The following SORBS2 variants were observed in gnomAD, a reference collection of about 807,000 sequenced individuals.
SORBS2 encodes sorbin and SH3 domain-containing protein 2.
A neutral mutation model predicts 97.7 loss-of-function variants in SORBS2; 46 were observed. That is an observed-to-expected ratio of 0.47 (90% CI 0.37 to 0.60). The LOEUF is 0.60. Ranked by LOEUF, SORBS2 falls within the 20% of genes least tolerant of loss-of-function variation. SORBS2 has a pLI of 0.00. For missense variants in SORBS2, 1,316 were observed against 1,282.3 expected, an observed-to-expected ratio of 1.03 and a Z score of -0.40; for synonymous variants, 476 against 473.4, an observed-to-expected ratio of 1.01 and a Z score of -0.07.
At chr4:185,612,375 A>C (rs992368395) in intron 11 of SORBS2, among the ~76,000 whole-genome samples, 17 of 152,220 alleles carry the variant, frequency 1.1e-4, no homozygotes, top group African/African-American at 4.1e-4. Context: ...CTTCTGTAGG[A>C]AGAGCTTCAG....
chr4:185,817,360 A>G (rs1356569104), intron 1 of SORBS2, among the ~76,000 whole-genome samples: 2 of 152,200 alleles, frequency 1.3e-5, no homozygotes, highest in Non-Finnish European at 2.9e-5. Context: ...TGCAAGCAAT[A>G]CAGAAAAGGC....
chr4:185,931,194 G>A (rs1459250064), intron 1 of SORBS2, among the ~76,000 whole-genome samples: 2 of 152,144 alleles, frequency 1.3e-5, no homozygotes, highest in Non-Finnish European at 2.9e-5. Flanking sequence ...ACAATAAGGA[G>A]GGTATGGGGG....
intron 4 of SORBS2, among the ~76,000 whole-genome samples, 191 bp from the exon 15 acceptor site, chr4:185,638,353 C>T (rs1260417045): frequency 1.3e-5 from 2 of 152,182 alleles, no homozygotes; most frequent in Non-Finnish European, 2.9e-5. Context: ...AAGGCGAGCT[C>T]CATGGCAGGG....
chr4:185,940,112 G>T (rs1194369692), intron 1 of SORBS2, among the ~76,000 whole-genome samples: 1 of 152,126 alleles, frequency 6.6e-6, no homozygotes, highest in African/African-American at 2.4e-5. Context: ...ATGTAGGCAT[G>T]CTTCAGAACT....
chr4:185,798,917 G>A (rs1438140429), intron 1 of SORBS2, among the ~76,000 whole-genome samples: 2 of 151,922 alleles, frequency 1.3e-5, no homozygotes, highest in Admixed American at 1.3e-4. Flanking sequence ...TCTGCCCACT[G>A]GCCTGATCCA....
rs746436430 is a variant in SORBS2, at chr4:185,662,085, C to T, written c.94+19G>A. ...CGCATTGAGGTTGCCATGGAAATCA[C>T]GGTGAGTAAATTACTTACCGAGGGA... On this transcript the variant is annotated intron_variant, in intron 5 of 20. Transcript: ENST00000284776. The T allele has an allele frequency of 5.0e-6, 8 of 1,613,050 alleles. No individual in the cohort carries two copies. The highest frequency in any genetic ancestry group is 4.0e-5 in the African/African-American group (3 of 74,912).
intron 1 of SORBS2, chr4:185,810,723 G>C (rs1232057975): frequency 6.6e-6 from 1 of 152,168 alleles, no homozygotes; most frequent in Admixed American, 6.5e-5. Flanking sequence ...GTTCCTAAGA[G>C]ACTATAAATC....
chr4:185,950,596 A>G (rs921908794), intron 1 of SORBS2, among the ~76,000 whole-genome samples: 1 of 152,236 alleles, frequency 6.6e-6, no homozygotes, highest in Non-Finnish European at 1.5e-5. Flanking sequence ...CTCAGGAGTG[A>G]TGAATGCCCC....
intron 2 of SORBS2, among the ~76,000 whole-genome samples, chr4:185,763,426 G>A (rs371797631): frequency 6.6e-6 from 1 of 152,056 alleles, no homozygotes; most frequent in African/African-American, 2.4e-5. Context: ...CCTGGCCCAA[G>A]CCCCCGACCC....
chr4:185,671,266 AAATATTTCT>A (rs2097708405), intron 4 of SORBS2, among the ~76,000 whole-genome samples: 1 of 152,216 alleles, frequency 6.6e-6, no homozygotes, highest in South Asian at 2.1e-4. Flanking sequence ...TCAGGGGAGT[AAATATTTCT>A]ACTGTACTCT....
intron 1 of SORBS2, among the ~76,000 whole-genome samples, chr4:185,829,284 G>A (rs1021035768): frequency 2.0e-5 from 3 of 152,180 alleles, no homozygotes; most frequent in African/African-American, 2.4e-5. Context: ...GGCAAATCAA[G>A]CTCTGTTTTT....
At chr4:185,656,528 A>G (rs2097406063) in intron 1 of SORBS2, 3 of 865,548 alleles carry the variant, frequency 3.5e-6, no homozygotes, top group Non-Finnish European at 3.5e-6. Context: ...CCAGGGGAGC[A>G]GCTCTTGGCC....
chr4:185,871,880 T>C (rs867819198), intron 1 of SORBS2, among the ~76,000 whole-genome samples: 4 of 152,242 alleles, frequency 2.6e-5, no homozygotes, highest in African/African-American at 9.6e-5. Flanking sequence ...TGACAGTGCC[T>C]GGTTTGTATG....
intron 2 of SORBS2, among the ~76,000 whole-genome samples, chr4:185,683,838 C>G (rs1339690134): frequency 1.3e-5 from 2 of 152,116 alleles, no homozygotes; most frequent in African/African-American, 2.4e-5. Flanking sequence ...AAGCGAAGAA[C>G]ACCCTGAGTA....
intron 1 of SORBS2, among the ~76,000 whole-genome samples, chr4:185,830,190 A>T (rs904411917): frequency 1.3e-5 from 2 of 152,122 alleles, no homozygotes; most frequent in African/African-American, 2.4e-5. Flanking sequence ...TTATTAACCT[A>T]GATGTAGCAC....
intron 2 of SORBS2, among the ~76,000 whole-genome samples, chr4:185,744,611 G>A (rs1426477220): frequency 6.6e-6 from 1 of 152,222 alleles, no homozygotes; most frequent in Non-Finnish European, 1.5e-5. Flanking sequence ...GCACTAATGA[G>A]CCTGCCACAT....
chr4:185,855,374 T>C (rs2099220195), intron 1 of SORBS2, among the ~76,000 whole-genome samples: 1 of 152,184 alleles, frequency 6.6e-6, no homozygotes, highest in Admixed American at 6.5e-5. Context: ...GGGGCTCCAC[T>C]TAATGTATCA....
At chr4:185,953,977 C>T (rs954295864) in intron 1 of SORBS2, among the ~76,000 whole-genome samples, 8 of 152,240 alleles carry the variant, frequency 5.3e-5, no homozygotes, top group African/African-American at 1.9e-4. Context: ...CTTTCTTTTG[C>T]TTTAATCCAT....
chr4:185,646,745 T>C, exon 4 of SORBS2: 2 of 1,613,586 alleles, frequency 1.2e-6, no homozygotes, highest in Non-Finnish European at 1.7e-6. Flanking sequence ...CGAAATTTTC[T>C]TGTGTCCACT....
Sources: gnomAD v4.1 joint callset for allele counts (sites outside exome capture counted in the v4.1 genomes callset) on GRCh38, gnomAD v4.1.1 for gene constraint, MANE v1.5 for transcripts, NCBI Gene and HGNC (gene_info 2026-07-23, HGNC 2026-07-21) for gene names.